Variants in LAX1 observed in about 807,000 individuals in gnomAD.
The protein encoded by LAX1 is lymphocyte transmembrane adapter 1.
Under a neutral mutation model 20.7 loss-of-function variants are expected in LAX1, and 17 were observed. The observed-to-expected ratio is 0.82, with a 90% CI of 0.56 to 1.23. The LOEUF (loss-of-function observed/expected upper bound fraction) is 1.23. Among genes scored for constraint, LAX1 ranks in the 50% most tolerant of loss-of-function variants. LAX1 has a pLI of 0.00. For missense variants in LAX1, 470 were observed against 487.0 expected, an observed-to-expected ratio of 0.97 and a Z score of 0.33; for synonymous variants, 165 against 181.0, an observed-to-expected ratio of 0.91 and a Z score of 0.71.
rs1206970353 is a variant in LAX1, at chr1:203,770,521, G to GAA, written c.90-305_90-304dup. ...AGGAAGGAAGGAAGGAAGAAAGAAA[G>GAA]AAAGAAAGAAAGAAAGAAAGAAAGA... is the stretch of plus-strand genomic sequence containing the variant. On this transcript the variant is annotated intron_variant, in intron 1 of 4. Transcript: ENST00000442561. 3.6e-4 allele frequency among the ~76,000 whole-genome samples: 46 copies of GAA among 128,938 alleles called. 2 individuals are homozygous for GAA. Among genetic ancestry groups the GAA allele is most frequent in the East Asian group, 1.6e-3 (4 of 2,564 alleles). 84.6% of individuals were successfully genotyped at this position (128,938 alleles called of 152,430 possible). A position where few individuals can be genotyped will look rare whatever the true frequency, so the allele number is the denominator to read the frequency against.
chr1:203,776,341 ACT>A lies in LAX1; in HGVS notation c.*1663_*1664del, dbSNP rs1218357428. ...ATTCCAGCCTGGGCAACAGAGAAAGACTCTGTCTCAAAAAAAAAAAAAAAAAA... is the reference window on the plus strand; with the variant it reads ...ATTCCAGCCTGGGCAACAGAGAAAGACTGTCTCAAAAAAAAAAAAAAAAAA... On this transcript the variant is annotated 3_prime_UTR_variant, in exon 5 of 5. Coordinates refer to ENST00000442561, the MANE Select transcript of LAX1 (RefSeq NM_017773.4). 1 of 115,442 alleles carries A rather than the reference ACT, an allele frequency of 8.7e-6. No homozygotes were observed. The highest frequency in any genetic ancestry group is 3.4e-5 in the African/African-American group (1 of 29,738). The allele number at this position is 115,442 out of a possible 1,614,324, so 7.2% of individuals were successfully genotyped here.
intron 2 of LAX1, 44 bp from the exon 3 acceptor site, chr1:203,771,323 A>G (rs1224283851): frequency 1.7e-6 from 2 of 1,187,940 alleles, no homozygotes; most frequent in Non-Finnish European, 2.5e-6. Context: ...CACTCTGTGC[A>G]GCTGACCCCC....
chr1:203,768,102 G>A (rs896932791), intron 1 of LAX1, among the ~76,000 whole-genome samples: 1 of 152,162 alleles, frequency 6.6e-6, no homozygotes, highest in Non-Finnish European at 1.5e-5. Context: ...CCCAAAGTCA[G>A]GAGTTCGAGA....
chr1:203,765,346 A>G lies in LAX1; in HGVS notation c.-220A>G. The G allele has an allele frequency of 6.4e-7, 1 of 1,551,712 alleles. No homozygotes were observed. The highest frequency in any genetic ancestry group is 8.7e-7 in the Non-Finnish European group (1 of 1,146,990). ...CACTTGGAAGCACCATGTCCGGATG[A>G]GATCGCACTTCCTGCAGTGGGCATT... is the stretch of plus-strand genomic sequence containing the variant. On this transcript the variant is annotated 5_prime_UTR_variant, in exon 1 of 5. An upstream open reading frame in the 5' UTR loses its in-frame stop. Transcript: ENST00000442561.
intron 1 of LAX1, among the ~76,000 whole-genome samples, chr1:203,767,324 T>TTTTTTTTTTTTTA (rs1667321985): frequency 6.9e-6 from 1 of 144,284 alleles, no homozygotes; most frequent in African/African-American, 2.7e-5. Flanking sequence ...TTTTTTTTTT[T>TTTTTTTTTTTTTA]GAGACAAAGT....
At position 203,769,444 on chromosome 1, in the gene LAX1, G is replaced by GAAAGAAAGAAAGGAA. The variant is rs1553254225; in HGVS notation, c.90-1384_90-1383insAAAGAAAGAAAGGAA. Among the ~76,000 whole-genome samples the GAAAGAAAGAAAGGAA allele has an allele frequency of 2.5e-3, 338 of 133,586 alleles. 3 individuals carry two copies. The highest frequency in any genetic ancestry group is 5.3e-3 in the South Asian group (21 of 3,994). The allele number at this position is 133,586 out of a possible 152,430, so 87.6% of individuals were successfully genotyped here. The stretch of plus-strand genomic sequence containing the variant: ...AAGAAAGAAAGAAAGAAAGAAAGAA[G>GAAAGAAAGAAAGGAA]GAAAGAAAGAAAAGAAAAGAAAGAA... On this transcript the variant is annotated intron_variant, in intron 1 of 4. Coordinates refer to ENST00000442561, the MANE Select transcript of LAX1 (RefSeq NM_017773.4).
In LAX1 at chr1:203,770,457, GGAAGGAAGGAAGGAAGGA is replaced by G. The variant is rs1479828165; in HGVS notation, c.90-370_90-353del. Among the ~76,000 whole-genome samples, 10 of 28,950 alleles carry G rather than the reference GGAAGGAAGGAAGGAAGGA, an allele frequency of 3.5e-4. 1 individual carries two copies. The highest frequency in any genetic ancestry group is 4.7e-4 in the Non-Finnish European group (6 of 12,858). The allele number at this position is 28,950 out of a possible 152,430, so 19.0% of individuals were successfully genotyped here. On this transcript the variant is annotated intron_variant, in intron 1 of 4. Transcript: ENST00000442561. ...AAAGAGAGAGAGAGAGAGAGAGAAA[GGAAGGAAGGAAGGAAGGA>G]AGGAAGGAAGGAAGGAAGGAAGGAA... is the stretch of plus-strand genomic sequence containing the variant.
intron 4 of LAX1, among the ~76,000 whole-genome samples, chr1:203,772,915 A>G (rs1003885429): frequency 6.6e-6 from 1 of 151,990 alleles, no homozygotes; most frequent in Admixed American, 6.6e-5. Flanking sequence ...AGCTCAAGCA[A>G]TCTGCCCGCC....
At position 203,774,390 on chromosome 1, in the gene LAX1, C is replaced by T. The variant is rs745597935; in HGVS notation, c.906C>T (p.Pro302=). Residue 302 remains proline (P), a synonymous_variant, in exon 5 of 5, where the codon CCC becomes CCT. Transcript: ENST00000442561. ...ATGAAAATGTTCCAGCAGCAGATCC[C>T]AGTGGAAGCCAGCAGCAGGCTGAGA... is the stretch of plus-strand genomic sequence containing the variant. ...RDYENVPAAD[P]SGSQQQAEKD... is the part of the protein sequence containing the mutation. 3 of 1,614,160 alleles carry T rather than the reference C, an allele frequency of 1.9e-6. No homozygotes were observed. In the South Asian group the frequency reaches 3.3e-5, roughly 18 times the overall value.
chr1:203,775,831 G>A lies in LAX1; in HGVS notation c.*1150G>A, dbSNP rs926125515. 2 of 152,166 alleles carry A rather than the reference G, an allele frequency of 1.3e-5. No homozygotes were observed. Among genetic ancestry groups the A allele is most frequent in the Admixed American group, 1.3e-4 (2 of 15,258 alleles). 9.4% of individuals were successfully genotyped at this position (152,166 alleles called of 1,614,324 possible). ...AGAAGCTAGGCCTAAAAGTCTACATGTTGGGCGATTCTATTTATATGACAT... is the reference window on the plus strand; with the variant it reads ...AGAAGCTAGGCCTAAAAGTCTACATATTGGGCGATTCTATTTATATGACAT... On this transcript the variant is annotated 3_prime_UTR_variant, in exon 5 of 5. Transcript: ENST00000442561.
Position 203,774,868 on chromosome 1 carries a change from A to AGTTTGGGAATTCCAGAGGTTT in LAX1, c.*188_*189insTTTGGGAATTCCAGAGGTTTG. 1 of 594,588 alleles carries AGTTTGGGAATTCCAGAGGTTT rather than the reference A, an allele frequency of 1.7e-6. No homozygotes were observed. Among genetic ancestry groups the AGTTTGGGAATTCCAGAGGTTT allele is most frequent in the Non-Finnish European group, 3.0e-6 (1 of 338,280 alleles). 36.8% of individuals were successfully genotyped at this position (594,588 alleles called of 1,614,324 possible). ...AAAGCAGAGGTTTGGGAATTCCAGA[A>AGTTTGGGAATTCCAGAGGTTT]GGGAATTCTTCTCAAGCAGAGTGTG... is the stretch of plus-strand genomic sequence containing the variant. On this transcript the variant is annotated 3_prime_UTR_variant, in exon 5 of 5. Transcript: ENST00000442561.
intron 1 of LAX1, chr1:203,769,773 C>CGGGGGG (rs1311215813): frequency 4.5e-4 from 11 of 24,348 alleles, no homozygotes; most frequent in South Asian, 4.0e-3. Context: ...CAAATTGGTG[C>CGGGGGG]GGGGGGGGGG....
At chr1:203,769,778 G>A (rs10399894) in intron 1 of LAX1, 8 of 144,752 alleles carry the variant, frequency 5.5e-5, no homozygotes, top group East Asian at 2.3e-4. Flanking sequence ...TGGTGCGGGG[G>A]GGGGGGCGGC....
chr1:203,772,833 G>A (rs560817182), intron 4 of LAX1, among the ~76,000 whole-genome samples: 4 of 150,404 alleles, frequency 2.7e-5, no homozygotes, highest in Non-Finnish European at 5.9e-5. Flanking sequence ...ACACCACCAC[G>A]CCTGGCTAAC....
rs56340969 is a variant in LAX1 at position 203,770,459 on chromosome 1, A to AGAGAGAGAGAG, written c.90-369_90-368insGAGAGAGAGAG. Reference sequence around the variant, plus strand: ...AGAGAGAGAGAGAGAGAGAGAAAGGAAGGAAGGAAGGAAGGAAGGAAGGAA... The same window carrying AGAGAGAGAGAG: ...AGAGAGAGAGAGAGAGAGAGAAAGGAGAGAGAGAGAGAGGAAGGAAGGAAGGAAGGAAGGAA... On this transcript the variant is annotated intron_variant, in intron 1 of 4. Transcript: ENST00000442561. Among the ~76,000 whole-genome samples the AGAGAGAGAGAG allele has an allele frequency of 5.7e-4, 6 of 10,554 alleles. 1 individual carries two copies. Among genetic ancestry groups the AGAGAGAGAGAG allele is most frequent in the Admixed American group, 3.8e-3 (2 of 526 alleles). The allele number at this position is 10,554 out of a possible 152,430, so 6.9% of individuals were successfully genotyped here. A position where few individuals can be genotyped will look rare whatever the true frequency, so the allele number is the denominator to read the frequency against.
chr1:203,771,565 T>C, intron 3 of LAX1, 88 bp downstream of exon 3: 1 of 848,882 alleles, frequency 1.2e-6, no homozygotes. Flanking sequence ...GCAATTTTCT[T>C]TAAGTTCTCA....
At chr1:203,770,571 G>GAAAGAA (rs1558070990) in intron 1 of LAX1, among the ~76,000 whole-genome samples, 1 of 146,174 alleles carries the variant, frequency 6.8e-6, no homozygotes. Flanking sequence ...GAAAGAAAGA[G>GAAAGAA]ATTAATAAGT....
intron 1 of LAX1, 110 bp downstream of exon 1, chr1:203,765,764 GCTCGGTCTACTAAAC>G: frequency 9.8e-7 from 1 of 1,017,870 alleles, no homozygotes. Flanking sequence ...CAACACCCAG[GCTCGGTCTACTAAAC>G]CACCAAACTC....
Position 203,770,925 on chromosome 1 carries a change from A to G in LAX1, c.187A>G (p.Lys63Glu), listed in dbSNP as rs1215626042. The G allele has an allele frequency of 1.2e-6, 2 of 1,612,910 alleles. No individual in the cohort carries two copies. The highest frequency in any genetic ancestry group is 1.7e-6 in the Non-Finnish European group (2 of 1,178,930). The change falls in exon 2 of 5, where the codon AAA (lysine) becomes GAA (glutamate). Residue 63 changes from lysine (K) to glutamate (E), a missense_variant. Coordinates refer to ENST00000442561, the MANE Select transcript of LAX1 (RefSeq NM_017773.4). ...TTTCTGCATCTTGTGGAATTGGAAT[A>G]AACGGAAGAAGCGTGAGTCCCTTGT... ...AVFCILWNWNKRKKRQVPYLR... is the reference protein window; with the variant it reads ...AVFCILWNWNERKKRQVPYLR...
Sources: gnomAD v4.1 joint callset for allele counts (sites outside exome capture counted in the v4.1 genomes callset) on GRCh38, gnomAD v4.1.1 for gene constraint, MANE v1.5 for transcripts, NCBI Gene and HGNC (gene_info 2026-07-23, HGNC 2026-07-21) for gene names.